The following CFAP92 variants were observed in gnomAD, a reference collection of about 807,000 sequenced individuals.
The protein encoded by CFAP92 is cilia and flagella associated protein 92 (putative).
A neutral mutation model predicts 106.3 loss-of-function variants in CFAP92; 86 were observed. The observed-to-expected ratio is 0.81, with a 90% confidence interval of 0.68 to 0.97. The LOEUF is 0.97. Among genes scored for constraint, CFAP92 ranks in the 50% least tolerant of loss-of-function variants. The pLI is 0.00. For synonymous variants in CFAP92, 477 were observed against 506.4 expected (o/e 0.94, Z 0.78); for missense variants, 1,204 against 1,283.8 (o/e 0.94, Z 0.95).
chr3:128,910,931 G>A (rs1936227184), intron 15 of CFAP92: 2 of 1,279,752 alleles, frequency 1.6e-6, no homozygotes, highest in South Asian at 2.4e-5. Flanking sequence ...ACAGACCTCT[G>A]CCTTGAGCGA....
intron 10 of CFAP92, among the ~76,000 whole-genome samples, chr3:128,936,943 T>C (rs1054502646): frequency 2.6e-5 from 4 of 152,228 alleles, no homozygotes; most frequent in African/African-American, 9.6e-5. Context: ...TTCTTTGTCC[T>C]TGTCTGGTTC....
chr3:129,017,671 C>T, the CFAP92 span, among the ~76,000 whole-genome samples: 4 of 152,226 alleles, frequency 2.6e-5, no homozygotes, highest in African/African-American at 9.6e-5. Flanking sequence ...ACATCTCTCT[C>T]ACAGCCTCTT....
chr3:128,922,275 G>A (rs2107687343), intron 12 of CFAP92, among the ~76,000 whole-genome samples: 1 of 152,108 alleles, frequency 6.6e-6, no homozygotes, highest in South Asian at 2.1e-4. Context: ...CCCAGGAGGT[G>A]GAGCTTGCAG....
Position 128,916,165 on chromosome 3 carries a change from G to A in CFAP92, c.2858C>T (p.Thr953Ile), listed in dbSNP as rs1936800738. The A allele has an allele frequency of 1.6e-6, 2 of 1,232,134 alleles. No individual in the cohort carries two copies. Among genetic ancestry groups the A allele is most frequent in the Non-Finnish European group, 2.0e-6 (2 of 987,966 alleles). The allele number at this position is 1,232,134 out of a possible 1,614,324, so 76.3% of individuals were successfully genotyped here. Reference protein sequence around the residue: ...PANKAVYNYSTQTMNSTELAK... With the variant: ...PANKAVYNYSIQTMNSTELAK... The stretch of plus-strand genomic sequence containing the variant: ...AAGCTCTGTAGAATTCATGGTCTGG[G>A]TACTATAGTTGTAGACGGCCTTGTT... The change falls in exon 13 of 16, where the codon ACC becomes ATC. Residue 953 changes from threonine (T) to isoleucine (I), a missense_variant. Transcript: ENST00000645291.
intron 15 of CFAP92, among the ~76,000 whole-genome samples, chr3:128,910,561 G>A (rs1036233117): frequency 6.6e-6 from 1 of 152,206 alleles, no homozygotes; most frequent in African/African-American, 2.4e-5. Context: ...TGAGTCACTT[G>A]CTGTTGGGGA....
At chr3:128,944,510 C>T (rs764809968) in intron 10 of CFAP92, among the ~76,000 whole-genome samples, 4 of 152,012 alleles carry the variant, frequency 2.6e-5, no homozygotes, top group East Asian at 1.9e-4. Context: ...GACTAAAGGA[C>T]GGAGATCCGA....
At chr3:128,962,509 C>T (rs550583799) in intron 9 of CFAP92, among the ~76,000 whole-genome samples, 2 of 152,294 alleles carry the variant, frequency 1.3e-5, no homozygotes, top group African/African-American at 2.4e-5. Context: ...TATTCCTGGA[C>T]TACAGCTGCA....
At chr3:128,992,439 G>A (rs1944270891) in intron 2 of CFAP92, among the ~76,000 whole-genome samples, 1 of 151,934 alleles carries the variant, frequency 6.6e-6, no homozygotes, top group Non-Finnish European at 1.5e-5. Context: ...GCGTGCACCT[G>A]TAATCCCAGC....
In CFAP92 at chr3:128,975,808, G is replaced by A. The variant is rs1206361655; in HGVS notation, c.992C>T (p.Thr331Ile). ...AGACCTTTGTCTGTCTAATATGTTT[G>A]TTAAGCTGCTAAGTGATTCACTCTC... is the stretch of plus-strand genomic sequence containing the variant. ...LIESESLSSL[T>I]NILDRQRSQI... Residue 331 changes from threonine (T) to isoleucine (I), a missense_variant, in exon 7 of 16, where the codon ACA becomes ATA. Transcript: ENST00000645291. 3 of 1,603,474 alleles carry A rather than the reference G, an allele frequency of 1.9e-6. No individual in the cohort carries two copies. The highest frequency in any genetic ancestry group is 2.2e-5 in the East Asian group (1 of 44,474).
At chr3:128,934,447 G>A (rs893230658) in intron 11 of CFAP92, among the ~76,000 whole-genome samples, 6 of 152,066 alleles carry the variant, frequency 3.9e-5, no homozygotes, top group African/African-American at 9.7e-5. Context: ...TCGAACTGCC[G>A]ACCTCAGGTG....
intron 10 of CFAP92, among the ~76,000 whole-genome samples, chr3:128,940,016 G>C (rs1360020319): frequency 1.3e-5 from 2 of 152,152 alleles, no homozygotes; most frequent in South Asian, 4.1e-4. Context: ...CTGATAGATT[G>C]GCCTCTTCTG....
chr3:128,981,105 C>T (rs1296525299), intron 4 of CFAP92, among the ~76,000 whole-genome samples: 11 of 150,642 alleles, frequency 7.3e-5, no homozygotes, highest in Non-Finnish European at 1.2e-4. Context: ...GGTGCGATCT[C>T]GGCTCATTGC....
At chr3:129,011,550 C>CAAAAAAAA in the CFAP92 span, among the ~76,000 whole-genome samples, 254 of 93,484 alleles carry the variant, frequency 2.7e-3, no homozygotes, top group African/African-American at 9.2e-3. Context: ...GACTCCGTCT[C>CAAAAAAAA]AAAAAAAAAA....
chr3:129,017,362 G>A, the CFAP92 span, among the ~76,000 whole-genome samples: 2 of 152,242 alleles, frequency 1.3e-5, no homozygotes, highest in Non-Finnish European at 2.9e-5. Flanking sequence ...CACACTCTTA[G>A]TGACTTGAAA....
chr3:128,942,580 T>C (rs1173970354), intron 10 of CFAP92, among the ~76,000 whole-genome samples: 1 of 152,204 alleles, frequency 6.6e-6, no homozygotes, highest in African/African-American at 2.4e-5. Context: ...AAGACACTCC[T>C]ATTAGGTGTG....
At chr3:128,953,080 GCAAAA>G (rs1940968638) in intron 9 of CFAP92, among the ~76,000 whole-genome samples, 1 of 151,628 alleles carries the variant, frequency 6.6e-6, no homozygotes, top group African/African-American at 2.4e-5. Context: ...AACTCAAAAA[GCAAAA>G]CAAAACAAAA....
At chr3:128,938,011 C>T (rs1185999324) in intron 10 of CFAP92, among the ~76,000 whole-genome samples, 4 of 151,986 alleles carry the variant, frequency 2.6e-5, no homozygotes, top group African/African-American at 9.7e-5. Context: ...TTGCAGTGAG[C>T]CGAGATCGCA....
intron 15 of CFAP92, among the ~76,000 whole-genome samples, chr3:128,911,218 G>A (rs547484904): frequency 5.6e-4 from 85 of 152,034 alleles, no homozygotes; most frequent in African/African-American, 1.6e-3. Context: ...CACCACGCCC[G>A]GCTAATTTTT....
intron 12 of CFAP92, among the ~76,000 whole-genome samples, chr3:128,922,433 T>C (rs1937372943): frequency 6.6e-6 from 1 of 152,200 alleles, no homozygotes; most frequent in Non-Finnish European, 1.5e-5. Context: ...TGCTGTTACC[T>C]TACACAAAAC....
Sources: allele counts gnomAD v4.1 joint callset (sites outside exome capture counted in the v4.1 genomes callset), GRCh38; gene constraint gnomAD v4.1.1; transcripts MANE v1.5; gene names NCBI Gene and HGNC (gene_info 2026-07-23, HGNC 2026-07-21).